MECOM: variants seen among roughly 807,000 people sequenced by gnomAD.
MECOM encodes the protein histone-lysine N-methyltransferase MECOM.
In MECOM, 13 loss-of-function variants were observed where a neutral mutation model predicts 116.3. The ratio of observed to expected loss-of-function variants is 0.11; its 90% CI spans 0.07 to 0.18. The LOEUF is 0.18. Ranked by LOEUF, MECOM falls within the 10% of genes least tolerant of loss-of-function variation. MECOM has a pLI of 1.00. For missense variants in MECOM, 1,299 were observed against 1,509.0 expected, an observed-to-expected ratio of 0.86 and a Z score of 2.31; for synonymous variants, 528 against 535.2, an observed-to-expected ratio of 0.99 and a Z score of 0.19.
chr3:169,414,463 A>G lies in MECOM; in HGVS notation c.38-32939T>C, dbSNP rs143754979. Among the ~76,000 whole-genome samples, 312 of 152,340 alleles carry G rather than the reference A, an allele frequency of 2.0e-3. 3 individuals are homozygous for G. The highest frequency in any genetic ancestry group is 7.0e-3 in the African/African-American group (290 of 41,592). ...AAAAAGGCTGATAATTCCAAAAACC[A>G]GAATGCCCATTCTCCTCCAAATGAT... is the stretch of plus-strand genomic sequence containing the variant. On this transcript the variant is annotated intron_variant, in intron 1 of 16. Coordinates refer to ENST00000651503, the MANE Select transcript of MECOM (RefSeq NM_004991.4).
At chr3:169,253,203 G>C (rs1376950298) in intron 2 of MECOM, among the ~76,000 whole-genome samples, 1 of 152,134 alleles carries the variant, frequency 6.6e-6, no homozygotes, top group Non-Finnish European at 1.5e-5. Flanking sequence ...TAGCAACAAT[G>C]CTCACTATAT....
chr3:169,294,282 T>C (rs981636784), intron 2 of MECOM, among the ~76,000 whole-genome samples: 5 of 152,228 alleles, frequency 3.3e-5, no homozygotes, highest in Admixed American at 3.3e-4. Flanking sequence ...GGTTCCGTAT[T>C]TTAAGATATT....
At chr3:169,588,703 T>C (rs1766044967) in intron 1 of MECOM, among the ~76,000 whole-genome samples, 1 of 152,208 alleles carries the variant, frequency 6.6e-6, no homozygotes, top group Admixed American at 6.5e-5. Context: ...GGAAACATTT[T>C]AGAACTCACA....
At chr3:169,185,734 AT>A (rs1257474646) in intron 2 of MECOM, among the ~76,000 whole-genome samples, 1 of 152,182 alleles carries the variant, frequency 6.6e-6, no homozygotes, top group Non-Finnish European at 1.5e-5. Context: ...AGATCATTCT[AT>A]CATAATTTAA....
intron 2 of MECOM, among the ~76,000 whole-genome samples, chr3:169,282,270 C>T (rs962900806): frequency 1.3e-5 from 2 of 152,136 alleles, no homozygotes; most frequent in Non-Finnish European, 1.5e-5. Flanking sequence ...CAAGTGTTGA[C>T]TCCACAGTAC....
At chr3:169,178,638 C>T (rs1246957312) in intron 2 of MECOM, among the ~76,000 whole-genome samples, 1 of 152,044 alleles carries the variant, frequency 6.6e-6, no homozygotes, top group Non-Finnish European at 1.5e-5. Context: ...AGCAATAGTG[C>T]CCCCATGATA....
At chr3:169,093,514 A>T (rs1035433502) in intron 13 of MECOM, among the ~76,000 whole-genome samples, 7 of 152,118 alleles carry the variant, frequency 4.6e-5, no homozygotes, top group African/African-American at 4.8e-5. Flanking sequence ...TTATTTATTT[A>T]TTTTTTGGCT....
chr3:169,531,118 T>C (rs1186701128), intron 1 of MECOM, among the ~76,000 whole-genome samples: 3 of 152,184 alleles, frequency 2.0e-5, no homozygotes, highest in African/African-American at 7.2e-5. Flanking sequence ...TGGTCTGACA[T>C]ACCTTCCCAC....
intron 2 of MECOM, among the ~76,000 whole-genome samples, chr3:169,314,713 GA>G (rs1224570059): frequency 1.3e-5 from 2 of 151,386 alleles, no homozygotes; most frequent in African/African-American, 4.8e-5. Context: ...TAAATGGGGA[GA>G]AAAAAAAGCA....
At chr3:169,338,851 A>G (rs1424356099) in intron 2 of MECOM, among the ~76,000 whole-genome samples, 1 of 152,056 alleles carries the variant, frequency 6.6e-6, no homozygotes, top group Non-Finnish European at 1.5e-5. Context: ...CGTTACTCAT[A>G]GTGTCTTAGC....
intron 1 of MECOM, among the ~76,000 whole-genome samples, chr3:169,609,727 A>G (rs1340254578): frequency 6.6e-6 from 1 of 152,228 alleles, no homozygotes; most frequent in Admixed American, 6.5e-5. Flanking sequence ...CTTATAAACA[A>G]GCAGCAAGTC....
At chr3:169,154,517 A>G (rs1020877166) in intron 2 of MECOM, among the ~76,000 whole-genome samples, 1 of 152,086 alleles carries the variant, frequency 6.6e-6, no homozygotes, top group Non-Finnish European at 1.5e-5. Flanking sequence ...AATTATTGCA[A>G]TGATCTCCTG....
At chr3:169,154,347 G>C (rs1481986491) in intron 2 of MECOM, among the ~76,000 whole-genome samples, 2 of 152,008 alleles carry the variant, frequency 1.3e-5, no homozygotes, top group Non-Finnish European at 2.9e-5. Flanking sequence ...GCAGGAATTG[G>C]GTCTATCTTT....
intron 16 of MECOM, among the ~76,000 whole-genome samples, chr3:169,088,216 GTTTC>G (rs1718468098): frequency 6.6e-6 from 1 of 152,140 alleles, no homozygotes; most frequent in Non-Finnish European, 1.5e-5. Context: ...GTAATAGGAA[GTTTC>G]TTTATTTTTA....
At chr3:169,552,509 A>G (rs1056424929) in intron 1 of MECOM, among the ~76,000 whole-genome samples, 1 of 152,142 alleles carries the variant, frequency 6.6e-6, no homozygotes, top group Non-Finnish European at 1.5e-5. Flanking sequence ...TAAAAGAACA[A>G]CTCTATAAGG....
At chr3:169,599,266 A>C (rs551571447) in intron 1 of MECOM, among the ~76,000 whole-genome samples, 1 of 152,222 alleles carries the variant, frequency 6.6e-6, no homozygotes, top group African/African-American at 2.4e-5. Context: ...CTGTAATCCC[A>C]GCACTTTGGA....
At chr3:169,398,728 A>G (rs981409645) in intron 1 of MECOM, among the ~76,000 whole-genome samples, 2 of 152,190 alleles carry the variant, frequency 1.3e-5, no homozygotes, top group South Asian at 2.1e-4. Flanking sequence ...AGTGAGCAAG[A>G]CCAACAATAC....
intron 2 of MECOM, among the ~76,000 whole-genome samples, chr3:169,328,461 TA>T (rs1379620723): frequency 6.6e-6 from 1 of 152,226 alleles, no homozygotes; most frequent in Admixed American, 6.5e-5. Flanking sequence ...AAAGTTTGTT[TA>T]GTCTTGTCAT....
At chr3:169,584,063 T>A (rs1008673787) in intron 1 of MECOM, among the ~76,000 whole-genome samples, 1 of 152,190 alleles carries the variant, frequency 6.6e-6, no homozygotes, top group Non-Finnish European at 1.5e-5. Flanking sequence ...CTCTATGAAT[T>A]CCTGCTGAGA....
Sources: allele counts gnomAD v4.1 joint callset (sites outside exome capture counted in the v4.1 genomes callset), GRCh38; gene constraint gnomAD v4.1.1; transcripts MANE v1.5; gene names NCBI Gene and HGNC (gene_info 2026-07-23, HGNC 2026-07-21).